Variants in PDGFRL observed in about 807,000 individuals in gnomAD.
PDGFRL encodes the protein platelet derived growth factor receptor like.
A neutral mutation model predicts 37.2 loss-of-function variants in PDGFRL; 46 were observed. The ratio of observed to expected loss-of-function variants is 1.24; its 90% CI spans 0.98 to 1.58. PDGFRL has a LOEUF of 1.58. PDGFRL is among the 40% of genes most tolerant of loss of function. The pLI, the probability that PDGFRL is intolerant of heterozygous loss-of-function variation, is 0.00. For synonymous variants in PDGFRL, 251 were observed against 184.3 expected (o/e 1.36, Z -2.93); for missense variants, 692 against 467.6 (o/e 1.48, Z -4.43).
intron 2 of PDGFRL, among the ~76,000 whole-genome samples, chr8:17,598,245 G>A (rs957482131): frequency 1.3e-5 from 2 of 152,234 alleles, no homozygotes; most frequent in Admixed American, 6.5e-5. Flanking sequence ...CAGCAAAGTG[G>A]TGTGTGATCA....
intron 2 of PDGFRL, among the ~76,000 whole-genome samples, chr8:17,615,801 C>A (rs1339874643): frequency 2.0e-5 from 3 of 152,168 alleles, no homozygotes. Context: ...GCCAGCTACT[C>A]AGGAGGCCAA....
At chr8:17,631,273 G>A (rs951525902) in intron 4 of PDGFRL, among the ~76,000 whole-genome samples, 31 of 152,104 alleles carry the variant, frequency 2.0e-4, no homozygotes, top group African/African-American at 7.5e-4. Context: ...GTCCCTCAAA[G>A]GTGACTTTAG....
intron 3 of PDGFRL, among the ~76,000 whole-genome samples, chr8:17,622,349 G>A (rs573640864): frequency 6.6e-6 from 1 of 152,236 alleles, no homozygotes; most frequent in African/African-American, 2.4e-5. Context: ...GTTAGTGCCT[G>A]GGCAGGGACT....
rs1298375315 is a variant in PDGFRL at position 17,628,795 on chromosome 8, C to T, written c.799+15C>T. The T allele has an allele frequency of 6.3e-7, 1 of 1,596,714 alleles. No homozygotes were observed. The highest frequency in any genetic ancestry group is 8.6e-7 in the Non-Finnish European group (1 of 1,164,898). On this transcript the variant is annotated intron_variant, in intron 4 of 5. Coordinates refer to ENST00000251630, the MANE Select transcript of PDGFRL (RefSeq NM_001372073.1). ...CTATGTGGCGGGTAAGCCTGGCCAC[C>T]CCTGCCTAGATTCTAGTTAGTCCCC...
chr8:17,596,119 G>T (rs1804047134), intron 2 of PDGFRL, among the ~76,000 whole-genome samples: 1 of 152,046 alleles, frequency 6.6e-6, no homozygotes, highest in Non-Finnish European at 1.5e-5. Flanking sequence ...ACCCTTGCTG[G>T]GTACCCTTGC....
chr8:17,620,295 C>G (rs79959077), intron 2 of PDGFRL, among the ~76,000 whole-genome samples: 5,874 of 152,176 alleles, frequency 0.039, 122 homozygotes, highest in South Asian at 0.068. Flanking sequence ...AGTGGTGACA[C>G]ATTGGTTTAT....
intron 1 of PDGFRL, among the ~76,000 whole-genome samples, chr8:17,589,088 G>T (rs773677668): frequency 1.3e-5 from 2 of 151,772 alleles, no homozygotes; most frequent in Admixed American, 1.3e-4. Flanking sequence ...TTACCTAAAA[G>T]CTATGAGGGC....
rs1319487591 is a variant in PDGFRL, at chr8:17,577,394, T to TG, written c.55+89dup. The stretch of plus-strand genomic sequence containing the variant: ...CCCCCGCCGCCCTCCTGCCAGCTCT[T>TG]GGTCTAACGTTCGGCCCTCGGTGGC... On this transcript the variant is annotated intron_variant, in intron 1 of 5. Transcript: ENST00000251630. The TG allele has an allele frequency of 6.9e-6, 8 of 1,160,970 alleles. No homozygotes were observed. The African/African-American group carries it at 1.2e-4, about 17-fold the overall frequency. The allele number at this position is 1,160,970 out of a possible 1,614,324, so 71.9% of individuals were successfully genotyped here. A position where few individuals can be genotyped will look rare whatever the true frequency, so the allele number is the denominator to read the frequency against.
At chr8:17,629,612 C>G (rs1804820646) in intron 4 of PDGFRL, among the ~76,000 whole-genome samples, 1 of 152,104 alleles carries the variant, frequency 6.6e-6, no homozygotes, top group African/African-American at 2.4e-5. Flanking sequence ...ATGCATTCAT[C>G]GAACATTTTG....
intron 2 of PDGFRL, among the ~76,000 whole-genome samples, chr8:17,612,144 C>T (rs1166877894): frequency 2.0e-5 from 3 of 152,212 alleles, no homozygotes; most frequent in Admixed American, 2.0e-4. Context: ...TAGTTTTAGG[C>T]CTCTAAAGGA....
chr8:17,623,251 G>C (rs1804666686), intron 3 of PDGFRL, among the ~76,000 whole-genome samples: 1 of 152,168 alleles, frequency 6.6e-6, no homozygotes, highest in African/African-American at 2.4e-5. Context: ...GGTGAAGGAT[G>C]GACTGATAGC....
chr8:17,625,446 G>A (rs1281830378), intron 3 of PDGFRL, among the ~76,000 whole-genome samples: 1 of 76,948 alleles, frequency 1.3e-5, no homozygotes, highest in Non-Finnish European at 2.9e-5. Context: ...CACTGCACCT[G>A]GTCGAGTTTT....
intron 3 of PDGFRL, among the ~76,000 whole-genome samples, chr8:17,624,596 A>G (rs1458967840): frequency 6.6e-6 from 1 of 152,160 alleles, no homozygotes; most frequent in African/African-American, 2.4e-5. Context: ...TTTTATACGT[A>G]GGAAAACCAC....
rs139692726 is a variant in PDGFRL at position 17,642,702 on chromosome 8, A to G, written c.1029A>G (p.Thr343=). Residue 343 remains threonine, a synonymous_variant, in exon 6 of 6, where the codon ACA becomes ACG. Transcript: ENST00000251630. ...HTTRISQSVI[T]VEDFETIDAG... The stretch of plus-strand genomic sequence containing the variant: ...CGAGAATCTCCCAGAGTGTCATTAC[A>G]GTGGAAGACTTTGAGACGATTGATG... 142 of 1,603,244 alleles carry G rather than the reference A, an allele frequency of 8.9e-5. No individual in the cohort carries two copies. The African/African-American group carries it at 1.5e-3, about 17-fold the overall frequency.
chr8:17,618,850 C>T (rs901865644), intron 2 of PDGFRL, among the ~76,000 whole-genome samples: 7 of 151,948 alleles, frequency 4.6e-5, no homozygotes, highest in Admixed American at 6.6e-5. Context: ...CAGGGGTATC[C>T]GAGGGGTAGA....
At position 17,642,867 on chromosome 8, in the gene PDGFRL, C is replaced by A; in HGVS notation, c.*66C>A. Reference sequence around the variant, plus strand: ...TGTGTACACAGTCAGCTTTGGGGTTCCTTTTATTAGTGCTTTGCCAGAGGC... The same window carrying A: ...TGTGTACACAGTCAGCTTTGGGGTTACTTTTATTAGTGCTTTGCCAGAGGC... On this transcript the variant is annotated 3_prime_UTR_variant, in exon 6 of 6. Transcript: ENST00000251630. 2 of 1,049,852 alleles carry A rather than the reference C, an allele frequency of 1.9e-6. No individual in the cohort carries two copies. The highest frequency in any genetic ancestry group is 2.9e-6 in the Non-Finnish European group (2 of 692,852). 65.0% of individuals were successfully genotyped at this position (1,049,852 alleles called of 1,614,324 possible).
chr8:17,601,953 G>C (rs925860634), intron 2 of PDGFRL, among the ~76,000 whole-genome samples: 1 of 152,164 alleles, frequency 6.6e-6, no homozygotes, highest in Non-Finnish European at 1.5e-5. Flanking sequence ...CTTTGTGGTA[G>C]AACTATCTAT....
intron 2 of PDGFRL, among the ~76,000 whole-genome samples, chr8:17,594,896 CT>C (rs1804019636): frequency 6.6e-6 from 1 of 152,208 alleles, no homozygotes; most frequent in African/African-American, 2.4e-5. Flanking sequence ...CTCCTTCCAC[CT>C]TCTGGCTGTT....
In PDGFRL at chr8:17,589,519, A is replaced by G; in HGVS notation, c.107A>G (p.Asn36Ser). 6.2e-7 allele frequency: 1 copy of G among 1,614,046 alleles called. No individual in the cohort carries two copies. The highest frequency in any genetic ancestry group is 1.3e-5 in the African/African-American group (1 of 75,060). The part of the protein sequence containing the change: ...KNKRPKEPGE[N>S]RIKPTNKKVK... ...AAGCGTCCAAAAGAACCAGGAGAGA[A>G]TAGAATCAAACCTACCAACAAGAAG... The change falls in exon 2 of 6, where the codon AAT becomes AGT. Residue 36 changes from asparagine (N) to serine (S), a missense_variant. By Grantham distance (46) the Asn-to-Ser change is conservative (BLOSUM62 1). Transcript: ENST00000251630.
Sources: gnomAD v4.1 joint callset for allele counts (sites outside exome capture counted in the v4.1 genomes callset) on GRCh38, gnomAD v4.1.1 for gene constraint, MANE v1.5 for transcripts, NCBI Gene and HGNC (gene_info 2026-07-23, HGNC 2026-07-21) for gene names.